LYPLAL1: variants seen among roughly 807,000 people sequenced by gnomAD.
LYPLAL1 encodes lysophospholipase like 1.
A neutral mutation model predicts 19.7 loss-of-function variants in LYPLAL1; 23 were observed. The observed-to-expected ratio is 1.17, with a 90% CI of 0.84 to 1.65. The LOEUF (loss-of-function observed/expected upper bound fraction) is 1.65. Among genes scored for constraint, LYPLAL1 ranks in the 40% most tolerant of loss-of-function variants. The pLI is 0.00. For synonymous variants in LYPLAL1, 119 were observed against 96.3 expected (o/e 1.24, Z -1.38); for missense variants, 355 against 279.4 (o/e 1.27, Z -1.93).
Position 219,211,473 on chromosome 1 carries a change from T to A in LYPLAL1, c.478-19T>A. ...ATGGAATTTCTTAAACTTTTCTGTC[T>A]TTGTATCTTCTTCTCTAGGCTCTTC... is the stretch of plus-strand genomic sequence containing the variant. On this transcript the variant is annotated intron_variant, in intron 4 of 4. Transcript: ENST00000366928. The A allele has an allele frequency of 6.8e-7, 1 of 1,461,640 alleles. No homozygotes were observed. Among genetic ancestry groups the A allele is most frequent in the Non-Finnish European group, 9.4e-7 (1 of 1,065,238 alleles). The allele number at this position is 1,461,640 out of a possible 1,614,324, so 90.5% of individuals were successfully genotyped here.
the LYPLAL1 span, among the ~76,000 whole-genome samples, chr1:219,304,049 A>T: frequency 6.6e-6 from 1 of 152,214 alleles, no homozygotes; most frequent in Non-Finnish European, 1.5e-5. Flanking sequence ...ATGATTTACA[A>T]ACATAAAGAT....
At chr1:219,367,763 C>T in the LYPLAL1 span, among the ~76,000 whole-genome samples, 48 of 152,276 alleles carry the variant, frequency 3.2e-4, no homozygotes, top group African/African-American at 1.1e-3. Context: ...ATGGAGCTTT[C>T]TAGAGTTCCT....
At chr1:219,197,088 C>G (rs1188437236) in intron 3 of LYPLAL1, among the ~76,000 whole-genome samples, 1 of 152,008 alleles carries the variant, frequency 6.6e-6, no homozygotes, top group Non-Finnish European at 1.5e-5. Flanking sequence ...AATGCTATGC[C>G]CATTAAACTA....
chr1:219,331,897 C>A, the LYPLAL1 span, among the ~76,000 whole-genome samples: 556 of 152,158 alleles, frequency 3.7e-3, 4 homozygotes, highest in African/African-American at 0.012. Flanking sequence ...AGAGTCTCAC[C>A]GCTTCTGGGG....
At chr1:219,361,784 G>T in the LYPLAL1 span, among the ~76,000 whole-genome samples, 24 of 152,068 alleles carry the variant, frequency 1.6e-4, no homozygotes, top group Non-Finnish European at 3.4e-4. Context: ...CAAAAGTGAG[G>T]GGTAAAAGAA....
chr1:219,205,595 G>A (rs1324962744), intron 3 of LYPLAL1, among the ~76,000 whole-genome samples: 3 of 151,978 alleles, frequency 2.0e-5, no homozygotes, highest in African/African-American at 7.2e-5. Context: ...AGAAACTTTT[G>A]TACAAGAAAC....
chr1:219,370,302 C>T, the LYPLAL1 span, among the ~76,000 whole-genome samples: 1 of 152,178 alleles, frequency 6.6e-6, no homozygotes, highest in African/African-American at 2.4e-5. Flanking sequence ...TCACTGCAAG[C>T]CTGTGAATAT....
chr1:219,241,126 C>CTATA, the LYPLAL1 span, among the ~76,000 whole-genome samples: 24 of 89,362 alleles, frequency 2.7e-4, no homozygotes, highest in South Asian at 3.8e-4. Flanking sequence ...CTCTCTCTCT[C>CTATA]TCTCTCTCTA....
chr1:219,250,233 T>C, the LYPLAL1 span, among the ~76,000 whole-genome samples: 1 of 151,888 alleles, frequency 6.6e-6, no homozygotes, highest in Non-Finnish European at 1.5e-5. Flanking sequence ...TTTTTCTGTA[T>C]GGATATTCAA....
At chr1:219,255,732 A>G in the LYPLAL1 span, among the ~76,000 whole-genome samples, 1 of 151,982 alleles carries the variant, frequency 6.6e-6, no homozygotes, top group Non-Finnish European at 1.5e-5. Flanking sequence ...AGTATGTTGT[A>G]GATACCCTTT....
chr1:219,348,294 G>T, the LYPLAL1 span, among the ~76,000 whole-genome samples: 1 of 152,330 alleles, frequency 6.6e-6, no homozygotes, highest in Admixed American at 6.5e-5. Context: ...GGGCAGGGTT[G>T]GAAGGAGCTG....
chr1:219,228,646 T>G, the LYPLAL1 span, among the ~76,000 whole-genome samples: 1 of 152,086 alleles, frequency 6.6e-6, no homozygotes. Flanking sequence ...TTTTTTCAAA[T>G]ACAATTATAA....
Position 219,179,143 on chromosome 1 carries a change from TC to T in LYPLAL1, c.92-3del. ...ATTTTAATCTAGATTTTTTGATTCA[TC>T]AGGTGATTCTGGACAAGGATTAAGA... On this transcript the variant is annotated splice_region_variant and splice_polypyrimidine_tract_variant and intron_variant, in intron 1 of 4. Transcript: ENST00000366928. The T allele has an allele frequency of 6.3e-7, 1 of 1,592,692 alleles. No individual in the cohort carries two copies. Among genetic ancestry groups the T allele is most frequent in the Non-Finnish European group, 8.6e-7 (1 of 1,169,178 alleles).
intron 3 of LYPLAL1, among the ~76,000 whole-genome samples, chr1:219,205,338 T>G (rs1488158998): frequency 1.6e-5 from 2 of 128,694 alleles, no homozygotes; most frequent in African/African-American, 5.8e-5. Context: ...CAGTCCGGCC[T>G]GGGCGACAGA....
At chr1:219,375,285 G>A in the LYPLAL1 span, among the ~76,000 whole-genome samples, 4 of 152,164 alleles carry the variant, frequency 2.6e-5, no homozygotes, top group East Asian at 3.9e-4. Flanking sequence ...TGACCAACAT[G>A]GAGAAACCCC....
chr1:219,393,219 G>A, the LYPLAL1 span, among the ~76,000 whole-genome samples: 1 of 152,144 alleles, frequency 6.6e-6, no homozygotes, highest in African/African-American at 2.4e-5. Context: ...GAAGAGGCCT[G>A]GGGACATATC....
chr1:219,371,920 C>T, the LYPLAL1 span, among the ~76,000 whole-genome samples: 3 of 152,130 alleles, frequency 2.0e-5, no homozygotes, highest in Non-Finnish European at 4.4e-5. Flanking sequence ...ATAATAATTT[C>T]AATGTACTCC....
At chr1:219,408,618 G>T in the LYPLAL1 span, among the ~76,000 whole-genome samples, 1 of 151,910 alleles carries the variant, frequency 6.6e-6, no homozygotes, top group East Asian at 1.9e-4. Flanking sequence ...GGCAGGGGCT[G>T]GGGGGGTGGT....
chr1:219,253,563 A>C, the LYPLAL1 span, among the ~76,000 whole-genome samples: 5 of 151,888 alleles, frequency 3.3e-5, no homozygotes. Flanking sequence ...CATGCTGTTT[A>C]GTTTCCATAT....
Sources: gnomAD v4.1 joint callset for allele counts (sites outside exome capture counted in the v4.1 genomes callset) on GRCh38, gnomAD v4.1.1 for gene constraint, MANE v1.5 for transcripts, NCBI Gene and HGNC (gene_info 2026-07-23, HGNC 2026-07-21) for gene names.